HHLA1: variants seen among roughly 807,000 people sequenced by gnomAD.
HHLA1 encodes HHLA1 neighbor of OC90.
A neutral mutation model predicts 69.9 loss-of-function variants in HHLA1; 72 were observed. The observed-to-expected ratio is 1.03, with a 90% CI of 0.85 to 1.25. The LOEUF is 1.25. HHLA1 is among the 50% of genes most tolerant of loss of function. HHLA1 has a pLI of 0.00. For synonymous variants in HHLA1, 252 were observed against 233.2 expected (o/e 1.08, Z -0.73); for missense variants, 685 against 642.2 (o/e 1.07, Z -0.72).
chr8:132,096,105 A>G (rs1289664794), intron 5 of HHLA1, among the ~76,000 whole-genome samples: 2 of 152,222 alleles, frequency 1.3e-5, no homozygotes, highest in Non-Finnish European at 2.9e-5. Context: ...GGCCTAAAAC[A>G]GCAGAAATTT....
chr8:132,078,701 C>A (rs1002268153), intron 11 of HHLA1, among the ~76,000 whole-genome samples: 6 of 152,120 alleles, frequency 3.9e-5, no homozygotes, highest in Non-Finnish European at 8.8e-5. Context: ...CTTGCCTGGG[C>A]TCTCTCCTAG....
At chr8:132,108,285 T>A (rs1824239285) in intron 1 of HHLA1, among the ~76,000 whole-genome samples, 1 of 152,186 alleles carries the variant, frequency 6.6e-6, no homozygotes, top group African/African-American at 2.4e-5. Context: ...AGAATTAAAG[T>A]AATGGCGAAA....
At chr8:132,067,625 G>C (rs1319607100) in intron 15 of HHLA1, among the ~76,000 whole-genome samples, 3 of 152,246 alleles carry the variant, frequency 2.0e-5, no homozygotes, top group East Asian at 3.9e-4. Flanking sequence ...GTGGACAAGA[G>C]AGCAACCACA....
At chr8:132,103,412 G>T (rs9643281) in intron 3 of HHLA1, among the ~76,000 whole-genome samples, 90,603 of 151,572 alleles carry the variant, frequency 0.6, 27,136 homozygotes, top group Admixed American at 0.64. Flanking sequence ...GAGCTCAGGA[G>T]TTCATGACCT....
At chr8:132,078,171 AAC>A (rs34612835) in intron 11 of HHLA1, among the ~76,000 whole-genome samples, 200 bp from the exon 12 acceptor site, 10,868 of 144,212 alleles carry the variant, frequency 0.075, 450 homozygotes, top group Admixed American at 0.15. Flanking sequence ...AGCACCAATA[AAC>A]ACACACACAC....
chr8:132,070,507 A>G (rs547271487), intron 15 of HHLA1: 3 of 631,916 alleles, frequency 4.7e-6, no homozygotes, highest in South Asian at 1.8e-5. Flanking sequence ...TCTACTTAAC[A>G]TGACACAAGT....
chr8:132,105,368 T>G, intron 1 of HHLA1, 82 bp from the exon 2 acceptor site: 1 of 876,534 alleles, frequency 1.1e-6, no homozygotes, highest in South Asian at 1.4e-5. Flanking sequence ...GAGGAATCAT[T>G]AAAATCACAA....
intron 14 of HHLA1, among the ~76,000 whole-genome samples, 188 bp from the exon 15 acceptor site, chr8:132,071,681 A>T (rs1053138827): frequency 5.9e-5 from 9 of 152,196 alleles, no homozygotes; most frequent in African/African-American, 2.2e-4. Flanking sequence ...AGTCAGGTGG[A>T]AAGAAGGTGG....
intron 16 of HHLA1, 144 bp from the exon 17 acceptor site, chr8:132,064,182 T>C (rs899515880): frequency 3.6e-6 from 1 of 277,966 alleles, no homozygotes; most frequent in Non-Finnish European, 7.2e-6. Flanking sequence ...CAGGGGTCAC[T>C]AGGGGTGAGA....
At chr8:132,107,324 G>C (rs1337787210) in intron 1 of HHLA1, among the ~76,000 whole-genome samples, 1 of 151,904 alleles carries the variant, frequency 6.6e-6, no homozygotes, top group Non-Finnish European at 1.5e-5. Context: ...TTTTTGAGAA[G>C]AGTTTCGCTC....
At position 132,076,510 on chromosome 8, in the gene HHLA1, G is replaced by C. The variant is rs1222814248; in HGVS notation, c.1205C>G (p.Pro402Arg). The change falls in exon 13 of 17, where the codon CCA becomes CGA. Residue 402 changes from proline (P) to arginine (R), a missense_variant. Pro to Arg is a moderately radical substitution (Grantham distance 103). Coordinates refer to ENST00000414222, the MANE Select transcript of HHLA1 (RefSeq NM_001145095.3). The part of the protein sequence containing the change: ...AFTHGTQTPS[P>R]TKATAPRYPQ... ...ATATCTGGGGGCTGTTGCCTTGGTTGGACTCGGAGTCTGTGTGCCATGGGT... is the reference window on the plus strand; with the variant it reads ...ATATCTGGGGGCTGTTGCCTTGGTTCGACTCGGAGTCTGTGTGCCATGGGT... 2.3e-5 allele frequency: 35 copies of C among 1,493,084 alleles called. No homozygotes were observed. Among genetic ancestry groups the C allele is most frequent in the Non-Finnish European group, 2.8e-5 (31 of 1,114,586 alleles). The allele number at this position is 1,493,084 out of a possible 1,614,324, so 92.5% of individuals were successfully genotyped here.
At chr8:132,076,431 C>CCCCCCCA in intron 13 of HHLA1, 44 bp downstream of exon 13, 1 of 824,564 alleles carries the variant, frequency 1.2e-6, no homozygotes, top group Non-Finnish European at 1.9e-6. Flanking sequence ...CCACCCCTCC[C>CCCCCCCA]ATCCCCCACC....
chr8:132,099,007 C>G (rs1416549539), intron 4 of HHLA1, 45 bp from the exon 5 acceptor site: 2 of 1,366,950 alleles, frequency 1.5e-6, no homozygotes. Flanking sequence ...CTTTTCTCGG[C>G]AAGAGAAAAA....
At chr8:132,076,766 G>C (rs1298677903) in intron 12 of HHLA1, among the ~76,000 whole-genome samples, 2 of 152,184 alleles carry the variant, frequency 1.3e-5, no homozygotes, top group African/African-American at 4.8e-5. Context: ...CGTGATGGTT[G>C]CCATTGGAAA....
intron 15 of HHLA1, among the ~76,000 whole-genome samples, chr8:132,066,765 T>C (rs886562897): frequency 6.6e-6 from 1 of 152,222 alleles, no homozygotes; most frequent in African/African-American, 2.4e-5. Flanking sequence ...TTCCAAGGGC[T>C]ATCACCCCCA....
intron 10 of HHLA1, 150 bp downstream of exon 10, chr8:132,087,503 A>G (rs1167163471): frequency 3.3e-6 from 2 of 608,724 alleles, no homozygotes; most frequent in South Asian, 2.2e-5. Flanking sequence ...GAGAATCCAG[A>G]AATTCATTTT....
In HHLA1 at chr8:132,087,851, T is replaced by C. The variant is rs1179911839; in HGVS notation, c.583A>G (p.Lys195Glu). 6.4e-7 allele frequency: 1 copy of C among 1,551,572 alleles called. No individual in the cohort carries two copies. The highest frequency in any genetic ancestry group is 8.7e-7 in the Non-Finnish European group (1 of 1,146,706). Residue 195 changes from lysine (K) to glutamate (E), a missense_variant, in exon 9 of 17, where the codon AAG becomes GAG. Coordinates refer to ENST00000414222, the MANE Select transcript of HHLA1 (RefSeq NM_001145095.3). ...DCIFICVMTGKSGRNLSDFWE... is the reference protein window; with the variant it reads ...DCIFICVMTGESGRNLSDFWE... ...AGAATGTCTAGTGGTTTACCTGACT[T>C]TCCTGTCATCACACAGATGAAGATG...
chr8:132,078,118 TCTGAA>T (rs1409294787), intron 11 of HHLA1, 147 bp from the exon 12 acceptor site: 7 of 834,826 alleles, frequency 8.4e-6, no homozygotes, highest in Non-Finnish European at 1.1e-5. Flanking sequence ...TAAACTTTAC[TCTGAA>T]CTGAAATAAA....
In HHLA1 at chr8:132,082,730, C is replaced by T. The variant is rs546163738; in HGVS notation, c.677-2764G>A. On this transcript the variant is annotated intron_variant, in intron 10 of 16. Coordinates refer to ENST00000414222, the MANE Select transcript of HHLA1 (RefSeq NM_001145095.3). ...AAAAAAGCATCTTTAAGATCAAGCA[C>T]GGAATAGTGAGTTGTGGAGGAAGGT... is the stretch of plus-strand genomic sequence containing the variant. Among the ~76,000 whole-genome samples the T allele has an allele frequency of 1.5e-3, 231 of 152,034 alleles. 1 individual carries two copies. The highest frequency in any genetic ancestry group is 5.2e-3 in the African/African-American group (215 of 41,466).
Sources: allele counts gnomAD v4.1 joint callset (sites outside exome capture counted in the v4.1 genomes callset), GRCh38; gene constraint gnomAD v4.1.1; transcripts MANE v1.5; gene names NCBI Gene and HGNC (gene_info 2026-07-23, HGNC 2026-07-21).